VPS13D: variants seen among roughly 807,000 people sequenced by gnomAD.
VPS13D encodes the protein vacuolar protein sorting 13 homolog D.
VPS13D carries 187 observed loss-of-function variants against 461.9 expected under a neutral mutation model. That is an observed-to-expected ratio of 0.40 (90% CI 0.36 to 0.46). The LOEUF (loss-of-function observed/expected upper bound fraction) is 0.46, where lower values mean the gene tolerates loss of function less well. Ranked by LOEUF, VPS13D falls within the 20% of genes least tolerant of loss-of-function variation. The pLI is 0.60. For synonymous variants in VPS13D, 1,951 were observed against 1,986.3 expected (o/e 0.98, Z 0.47); for missense variants, 4,711 against 5,364.9 (o/e 0.88, Z 3.81).
chr1:12,379,929 C>T (rs1042394311), intron 57 of VPS13D, among the ~76,000 whole-genome samples: 9 of 152,020 alleles, frequency 5.9e-5, no homozygotes, highest in East Asian at 1.9e-4. Flanking sequence ...CCACCACGCC[C>T]GGCTAATTTT....
chr1:12,414,944 G>GA, intron 63 of VPS13D, 143 bp from the exon 64 acceptor site: 2 of 942,202 alleles, frequency 2.1e-6, no homozygotes, highest in South Asian at 3.8e-5. Flanking sequence ...TAGTTATAGG[G>GA]AAAATCCTTA....
At chr1:12,413,514 C>T (rs1165774634) in intron 63 of VPS13D, among the ~76,000 whole-genome samples, 2 of 152,010 alleles carry the variant, frequency 1.3e-5, no homozygotes, top group Non-Finnish European at 2.9e-5. Flanking sequence ...ACTCTGTCAC[C>T]CAGGCTAAGT....
rs1177315582 is a variant in VPS13D at position 12,473,450 on chromosome 1, G to A, written c.12662+13054G>A. Among the ~76,000 whole-genome samples the A allele has an allele frequency of 1.3e-5, 2 of 152,166 alleles. No homozygotes were observed. Among genetic ancestry groups the A allele is most frequent in the African/African-American group, 4.8e-5 (2 of 41,440 alleles). On this transcript the variant is annotated intron_variant, in intron 67 of 69. Transcript: ENST00000620676. The surrounding 1 kb of genome is among the most constrained non-coding windows in gnomAD (Gnocchi z 4.2). ...GGGTAAACAGGCCTACTGGGGAGTC[G>A]GTTGGCCCTGGGTTTGAGTCATTGG...
chr1:12,437,585 G>A (rs1441293136), intron 65 of VPS13D, among the ~76,000 whole-genome samples: 1 of 152,106 alleles, frequency 6.6e-6, no homozygotes. Flanking sequence ...TGTGGTTCAT[G>A]GTTTTCTAAC....
In VPS13D at chr1:12,276,396, G is replaced by A; in HGVS notation, c.2808G>A (p.Gln936=). 4 of 1,614,202 alleles carry A rather than the reference G, an allele frequency of 2.5e-6. No individual in the cohort carries two copies. The highest frequency in any genetic ancestry group is 3.4e-6 in the Non-Finnish European group (4 of 1,180,032). The change falls in exon 19 of 70, where the codon CAG becomes CAA. Residue 936 remains glutamine, a synonymous_variant. Coordinates refer to ENST00000620676, the MANE Select transcript of VPS13D (RefSeq NM_015378.4). The surrounding 1 kb of genome is among the most constrained non-coding windows in gnomAD (Gnocchi z 4.5). The part of the protein sequence containing the change: ...SLQDSVMNLT[Q]SIVLLEQHTR... ...AAGACTCCGTAATGAATTTAACCCA[G>A]AGCATTGTGTTGTTGGAGCAGCATA...
Position 12,277,846 on chromosome 1 carries a change from G to T in VPS13D, c.4258G>T (p.Asp1420Tyr). 6.2e-7 allele frequency: 1 copy of T among 1,614,064 alleles called. No homozygotes were observed. Among genetic ancestry groups the T allele is most frequent in the South Asian group, 1.1e-5 (1 of 91,044 alleles). ...FVAGDDESRS[D>Y]RLQVEIKDIK... is the part of the protein sequence containing the mutation. ...GGCGGGAGATGATGAATCCAGAAGT[G>T]ACCGTCTGCAGGTGGAAATCAAGGA... Residue 1420 changes from aspartate (D) to tyrosine (Y), a missense_variant, in exon 19 of 70, where the codon GAC becomes TAC. This residue lies in a region of VPS13D where 4,411 missense variants were observed against 4,937.8 expected (regional missense o/e 0.89). Transcript: ENST00000620676.
At chr1:12,438,050 G>A (rs183726427) in intron 65 of VPS13D, among the ~76,000 whole-genome samples, 19 of 152,266 alleles carry the variant, frequency 1.2e-4, no homozygotes, top group African/African-American at 2.4e-4. Flanking sequence ...TGTGTGTTCC[G>A]TAGCTGTCTT....
In VPS13D at chr1:12,354,320, G is replaced by A. The variant is rs567014402; in HGVS notation, c.9679+99G>A. ...TGGTAAGCATCTTGGAGAAATTGGG[G>A]CACATATAATATCTCAATAAGCCAG... On this transcript the variant is annotated intron_variant, in intron 47 of 69. Coordinates refer to ENST00000620676, the MANE Select transcript of VPS13D (RefSeq NM_015378.4). The A allele has an allele frequency of 7.0e-6, 10 of 1,422,944 alleles. No individual in the cohort carries two copies. The East Asian group carries it at 9.6e-5, about 14-fold the overall frequency. 88.1% of individuals were successfully genotyped at this position (1,422,944 alleles called of 1,614,324 possible).
intron 37 of VPS13D, among the ~76,000 whole-genome samples, chr1:12,331,106 T>A (rs1053064319): frequency 6.6e-6 from 1 of 152,226 alleles, no homozygotes; most frequent in African/African-American, 2.4e-5. Context: ...GGTAAGAGCC[T>A]ATACATACAG....
chr1:12,464,700 G>A (rs1363586305), intron 67 of VPS13D, among the ~76,000 whole-genome samples: 2 of 152,098 alleles, frequency 1.3e-5, no homozygotes, highest in Non-Finnish European at 2.9e-5. Context: ...ATAGTTCTCA[G>A]GAAGGCAGGT....
Position 12,349,776 on chromosome 1 carries a change from A to G in VPS13D, c.9431+402A>G, listed in dbSNP as rs74053862. On this transcript the variant is annotated intron_variant, in intron 46 of 69. Transcript: ENST00000620676. ...AGATTTCAAAATAATTTGAAGGTTT[A>G]TGTACCTCATACTGACTTTCTTGAG... Among the ~76,000 whole-genome samples the G allele has an allele frequency of 1.8e-3, 276 of 152,334 alleles. 1 individual carries two copies. Among genetic ancestry groups the G allele is most frequent in the African/African-American group, 6.1e-3 (254 of 41,586 alleles).
chr1:12,467,246 A>T (rs1007930576), intron 67 of VPS13D, among the ~76,000 whole-genome samples: 8 of 152,126 alleles, frequency 5.3e-5, no homozygotes, highest in African/African-American at 1.9e-4. Flanking sequence ...ACCTCGGCTC[A>T]CTGCATCCTC....
intron 32 of VPS13D, among the ~76,000 whole-genome samples, chr1:12,320,811 TG>T (rs1203290611): frequency 6.6e-6 from 1 of 152,224 alleles, no homozygotes; most frequent in Non-Finnish European, 1.5e-5. Flanking sequence ...GACAACTACA[TG>T]GCAAAATATT....
chr1:12,456,739 A>G (rs1356473527), intron 66 of VPS13D, among the ~76,000 whole-genome samples: 3 of 151,790 alleles, frequency 2.0e-5, no homozygotes, highest in African/African-American at 7.3e-5. Context: ...TCCTCCTTGC[A>G]GTTGAAATAC....
chr1:12,380,095 A>G (rs1017739923), intron 57 of VPS13D, among the ~76,000 whole-genome samples: 4 of 152,216 alleles, frequency 2.6e-5, no homozygotes, highest in African/African-American at 9.7e-5. Flanking sequence ...TTACATGGGA[A>G]AAGTTCTTGG....
chr1:12,305,757 T>C (rs753798292), intron 26 of VPS13D, among the ~76,000 whole-genome samples: 37 of 152,166 alleles, frequency 2.4e-4, no homozygotes, highest in Non-Finnish European at 5.1e-4. Context: ...GCTGAGTGTC[T>C]TGTTACATAG....
At chr1:12,487,193 CT>C (rs1186678201) in intron 67 of VPS13D, among the ~76,000 whole-genome samples, 1 of 152,182 alleles carries the variant, frequency 6.6e-6, no homozygotes, top group African/African-American at 2.4e-5. Flanking sequence ...GTCCCTAGCA[CT>C]TTTTGAAGCA....
At chr1:12,411,855 C>G (rs904546596) in intron 63 of VPS13D, among the ~76,000 whole-genome samples, 8 of 152,168 alleles carry the variant, frequency 5.3e-5, no homozygotes, top group African/African-American at 1.9e-4. Context: ...CTCCCATCTT[C>G]AAGGAAGCTA....
At chr1:12,418,345 A>C (rs1391325043) in intron 65 of VPS13D, among the ~76,000 whole-genome samples, 7 of 152,232 alleles carry the variant, frequency 4.6e-5, no homozygotes, top group Middle Eastern at 3.2e-3. Flanking sequence ...CTCACGCATC[A>C]TAAAACCTCA....
Sources: gnomAD v4.1 joint callset for allele counts (sites outside exome capture counted in the v4.1 genomes callset) on GRCh38, gnomAD v4.1.1 for gene constraint, gnomAD v4.1.1 regional missense constraint, Gnocchi (gnomAD v3.1) non-coding constraint, MANE v1.5 for transcripts, NCBI Gene and HGNC (gene_info 2026-07-23, HGNC 2026-07-21) for gene names.